Variants in ERC2 observed in about 807,000 individuals in gnomAD.
ERC2 encodes the protein ERC protein 2.
In ERC2, 42 loss-of-function variants were observed where a neutral mutation model predicts 114.8. The ratio of observed to expected loss-of-function variants is 0.37; its 90% CI spans 0.29 to 0.47. The LOEUF (loss-of-function observed/expected upper bound fraction) is 0.47. Ranked by LOEUF, ERC2 falls within the 20% of genes least tolerant of loss-of-function variation. The pLI, the probability that ERC2 is intolerant of heterozygous loss-of-function variation, is 0.99. For synonymous variants in ERC2, 454 were observed against 425.5 expected (o/e 1.07, Z -0.82); for missense variants, 939 against 1,150.7 (o/e 0.82, Z 2.66).
intron 14 of ERC2, among the ~76,000 whole-genome samples, chr3:55,810,856 G>T (rs917505124): frequency 2.0e-5 from 3 of 152,118 alleles, no homozygotes; most frequent in Admixed American, 2.0e-4. Flanking sequence ...CTTCCCTCTA[G>T]TATCATAAAT....
At chr3:56,331,837 G>A (rs140131348) in intron 2 of ERC2, among the ~76,000 whole-genome samples, 139 of 152,244 alleles carry the variant, frequency 9.1e-4, no homozygotes, top group African/African-American at 2.9e-3. Flanking sequence ...ACTCTCCCCC[G>A]TCACCAAGGC....
At chr3:56,286,141 C>T (rs1004846428) in intron 3 of ERC2, among the ~76,000 whole-genome samples, 1 of 152,086 alleles carries the variant, frequency 6.6e-6, no homozygotes, top group Admixed American at 6.5e-5. Flanking sequence ...TGGCCGGGCG[C>T]GGTGGCTTGC....
intron 14 of ERC2, among the ~76,000 whole-genome samples, chr3:55,829,857 C>T (rs1255088565): frequency 6.6e-6 from 1 of 151,894 alleles, no homozygotes; most frequent in African/African-American, 2.4e-5. Context: ...ATTGGAATCA[C>T]AGAAGAAGAA....
intron 2 of ERC2, among the ~76,000 whole-genome samples, chr3:56,422,000 G>A (rs750083057): frequency 7.2e-5 from 11 of 152,162 alleles, no homozygotes; most frequent in African/African-American, 2.7e-4. Context: ...AATCAGGAAG[G>A]CTGGGACCCA....
chr3:56,091,900 T>C (rs931999897), intron 6 of ERC2, among the ~76,000 whole-genome samples: 1 of 152,122 alleles, frequency 6.6e-6, no homozygotes, highest in Admixed American at 6.6e-5. Context: ...GATAAAGGAC[T>C]ATATAATCCC....
At chr3:55,892,393 G>A (rs764010914) in intron 13 of ERC2, among the ~76,000 whole-genome samples, 7 of 152,114 alleles carry the variant, frequency 4.6e-5, no homozygotes, top group African/African-American at 7.2e-5. Context: ...GTGGTGACAC[G>A]CACCTAGAGT....
At chr3:56,035,632 G>A (rs2074744030) in intron 7 of ERC2, among the ~76,000 whole-genome samples, 1 of 152,148 alleles carries the variant, frequency 6.6e-6, no homozygotes, top group Non-Finnish European at 1.5e-5. Flanking sequence ...ATGCCTTTGT[G>A]CCTTTGGCTT....
At chr3:56,084,670 G>T (rs2077409428) in intron 6 of ERC2, among the ~76,000 whole-genome samples, 1 of 152,210 alleles carries the variant, frequency 6.6e-6, no homozygotes, top group East Asian at 1.9e-4. Context: ...ACAGATGCAT[G>T]TGAAGTCGTA....
chr3:55,730,826 G>A (rs886660722), intron 15 of ERC2, among the ~76,000 whole-genome samples: 21 of 152,206 alleles, frequency 1.4e-4, no homozygotes, highest in African/African-American at 4.8e-4. Flanking sequence ...ACTCTAGCCT[G>A]GGTGACAGTG....
chr3:56,452,912 AATATTGACC>A (rs1447780111), intron 1 of ERC2, among the ~76,000 whole-genome samples: 2 of 152,218 alleles, frequency 1.3e-5, no homozygotes, highest in African/African-American at 4.8e-5. Flanking sequence ...CATCATCATC[AATATTGACC>A]ACAGGCTCAT....
chr3:55,690,722 T>C (rs2062598279), intron 16 of ERC2, among the ~76,000 whole-genome samples: 1 of 152,224 alleles, frequency 6.6e-6, no homozygotes, highest in South Asian at 2.1e-4. Flanking sequence ...GAAAAATCCT[T>C]TTCTAACAGG....
At chr3:56,059,104 T>A (rs201383881) in intron 7 of ERC2, among the ~76,000 whole-genome samples, 18,344 of 151,968 alleles carry the variant, frequency 0.12, 1,263 homozygotes, top group East Asian at 0.16. Context: ...TTTATTTTTT[T>A]TTTTGGAAAT....
At chr3:55,974,707 C>T (rs1366845148) in intron 12 of ERC2, among the ~76,000 whole-genome samples, 3 of 152,142 alleles carry the variant, frequency 2.0e-5, no homozygotes, top group South Asian at 2.1e-4. Flanking sequence ...CTCCAGTCTA[C>T]GAAGCCACTG....
chr3:56,438,775 C>A (rs984886581), intron 1 of ERC2, among the ~76,000 whole-genome samples: 1 of 152,062 alleles, frequency 6.6e-6, no homozygotes, highest in African/African-American at 2.4e-5. Context: ...CTTGAGGTCC[C>A]GGAATGTCAT....
At chr3:55,692,935 A>C (rs1453947377) in intron 16 of ERC2, among the ~76,000 whole-genome samples, 1 of 152,194 alleles carries the variant, frequency 6.6e-6, no homozygotes, top group East Asian at 1.9e-4. Flanking sequence ...GTAACCAAGA[A>C]ATTTGATGGC....
rs148655492 is a variant in ERC2, at chr3:55,798,464, G to C, written c.2565-63546C>G. On this transcript the variant is annotated intron_variant, in intron 14 of 17. Coordinates refer to ENST00000288221, the MANE Select transcript of ERC2 (RefSeq NM_015576.3). ...ATACAAAAAATTAGCCAGGCGTGGT[G>C]GCACGTGCCTGTAGTCCCAGCTACT... Among the ~76,000 whole-genome samples, 171 of 152,182 alleles carry C rather than the reference G, an allele frequency of 1.1e-3. 1 individual carries two copies. Among genetic ancestry groups the C allele is most frequent in the African/African-American group, 3.8e-3 (156 of 41,512 alleles).
At chr3:56,074,524 A>G (rs761088517) in intron 7 of ERC2, among the ~76,000 whole-genome samples, 1 of 152,224 alleles carries the variant, frequency 6.6e-6, no homozygotes, top group Non-Finnish European at 1.5e-5. Context: ...CCAATAAATT[A>G]GAAGTGAGAA....
intron 13 of ERC2, among the ~76,000 whole-genome samples, chr3:55,917,680 A>G (rs2065182441): frequency 1.3e-5 from 2 of 152,304 alleles, no homozygotes; most frequent in East Asian, 3.9e-4. Context: ...TTATAGGTAC[A>G]GAGTTTCCTT....
chr3:56,166,273 A>G (rs2316482), intron 4 of ERC2, among the ~76,000 whole-genome samples: 12,671 of 152,064 alleles, frequency 0.083, 718 homozygotes, highest in East Asian at 0.15. Context: ...ATTGAGTTCA[A>G]TTCACTAGGA....
Sources: gnomAD v4.1 joint callset for allele counts (sites outside exome capture counted in the v4.1 genomes callset) on GRCh38, gnomAD v4.1.1 for gene constraint, MANE v1.5 for transcripts, NCBI Gene and HGNC (gene_info 2026-07-23, HGNC 2026-07-21) for gene names.